Variants in SUGCT observed in about 807,000 individuals in gnomAD.
SUGCT encodes the protein succinyl-CoA:glutarate CoA-transferase.
SUGCT carries 41 observed loss-of-function variants against 55.0 expected under a neutral mutation model. That is an observed-to-expected ratio of 0.74 (90% confidence interval 0.58 to 0.97). The LOEUF is 0.97. SUGCT is among the 50% of genes least tolerant of loss of function. The pLI, the probability that SUGCT is intolerant of heterozygous loss-of-function variation, is 0.00. For synonymous variants in SUGCT, 187 were observed against 200.4 expected, an observed-to-expected ratio of 0.93 and a Z score of 0.56; for missense variants, 568 against 547.8, an observed-to-expected ratio of 1.04 and a Z score of -0.37.
At chr7:40,459,863 G>A (rs1166324680) in intron 11 of SUGCT, among the ~76,000 whole-genome samples, 1 of 152,116 alleles carries the variant, frequency 6.6e-6, no homozygotes, top group African/African-American at 2.4e-5. Flanking sequence ...TTTGTCTGAA[G>A]AAAATAATTA....
intron 9 of SUGCT, among the ~76,000 whole-genome samples, chr7:40,411,613 G>C (rs1473399337): frequency 6.6e-6 from 1 of 152,144 alleles, no homozygotes; most frequent in Non-Finnish European, 1.5e-5. Flanking sequence ...CAGAGGCCAG[G>C]AAAGGTAGCA....
chr7:41,002,957 C>G, the SUGCT span, among the ~76,000 whole-genome samples: 1 of 151,788 alleles, frequency 6.6e-6, no homozygotes, highest in African/African-American at 2.4e-5. Context: ...AGTGCCCTGC[C>G]CATAGGAGGC....
At chr7:40,144,542 T>A (rs1204330751) in intron 1 of SUGCT, among the ~76,000 whole-genome samples, 1 of 152,024 alleles carries the variant, frequency 6.6e-6, no homozygotes, top group African/African-American at 2.4e-5. Context: ...GTGGCTGGAG[T>A]TTTCCTTCTT....
intron 13 of SUGCT, among the ~76,000 whole-genome samples, chr7:40,768,154 G>A (rs1788898335): frequency 6.6e-6 from 1 of 152,124 alleles, no homozygotes; most frequent in African/African-American, 2.4e-5. Context: ...ATCCAGATAA[G>A]GTTTTCAGCT....
At chr7:40,638,445 G>T (rs1411408303) in intron 12 of SUGCT, among the ~76,000 whole-genome samples, 1 of 152,126 alleles carries the variant, frequency 6.6e-6, no homozygotes, top group African/African-American at 2.4e-5. Flanking sequence ...GCATATTAAA[G>T]AATTCTAGTT....
chr7:40,324,961 TA>T (rs1795956950), intron 9 of SUGCT, among the ~76,000 whole-genome samples: 2 of 152,244 alleles, frequency 1.3e-5, no homozygotes, highest in South Asian at 4.1e-4. Flanking sequence ...TTTACATGAT[TA>T]AATAAAATAA....
chr7:40,174,837 T>G (rs912315777), intron 1 of SUGCT, among the ~76,000 whole-genome samples: 13 of 152,226 alleles, frequency 8.5e-5, no homozygotes, highest in African/African-American at 3.1e-4. Context: ...AAAGTGTCAA[T>G]TGCTCTCCTA....
chr7:40,772,554 CT>C (rs1416820145), intron 13 of SUGCT, among the ~76,000 whole-genome samples: 15 of 138,074 alleles, frequency 1.1e-4, no homozygotes, highest in African/African-American at 1.9e-4. Flanking sequence ...ATCTATCTAT[CT>C]ATCTATCTGG....
chr7:40,184,351 C>T (rs1481762457), intron 3 of SUGCT, among the ~76,000 whole-genome samples: 2 of 152,014 alleles, frequency 1.3e-5, no homozygotes, highest in South Asian at 2.1e-4. Flanking sequence ...GTGATCATGG[C>T]TTACTGCGGC....
chr7:40,643,576 A>G (rs1019917931), intron 12 of SUGCT, among the ~76,000 whole-genome samples: 3 of 152,204 alleles, frequency 2.0e-5, no homozygotes, highest in African/African-American at 7.2e-5. Flanking sequence ...GAAAGAGTTC[A>G]ATGCTAAAAG....
At chr7:40,371,945 A>AACACACACACAC (rs137960410) in intron 9 of SUGCT, among the ~76,000 whole-genome samples, 9 of 147,794 alleles carry the variant, frequency 6.1e-5, no homozygotes, top group African/African-American at 2.2e-4. Context: ...ATACATCTCG[A>AACACACACACAC]ACACACACAC....
the SUGCT span, among the ~76,000 whole-genome samples, chr7:40,904,010 T>G: frequency 6.6e-6 from 1 of 152,148 alleles, no homozygotes; most frequent in Non-Finnish European, 1.5e-5. Flanking sequence ...GCAGCTTACA[T>G]CACGCATACC....
chr7:40,931,268 A>G, the SUGCT span, among the ~76,000 whole-genome samples: 4 of 152,210 alleles, frequency 2.6e-5, no homozygotes, highest in African/African-American at 7.2e-5. Context: ...CCCAGGGATA[A>G]AACTGACTTG....
chr7:40,479,587 A>G (rs1790909626), intron 11 of SUGCT, among the ~76,000 whole-genome samples: 1 of 152,124 alleles, frequency 6.6e-6, no homozygotes, highest in Non-Finnish European at 1.5e-5. Context: ...TTCTATTTCT[A>G]ATGTTTGAGA....
In SUGCT at chr7:40,296,323, G is replaced by A. The variant is rs370525416; in HGVS notation, c.721-20437G>A. The stretch of plus-strand genomic sequence containing the variant: ...CCCTTGCAGAAGAGGATGAACACGT[G>A]CTTCACCTACTTTATCGCTGGATGG... On this transcript the variant is annotated intron_variant, in intron 8 of 13. Transcript: ENST00000335693. Among the ~76,000 whole-genome samples, 86 of 152,258 alleles carry A rather than the reference G, an allele frequency of 5.6e-4. No homozygotes were observed. The Middle Eastern group carries it at 0.017, about 30-fold the overall frequency.
intron 7 of SUGCT, among the ~76,000 whole-genome samples, chr7:40,263,412 A>C (rs1791358016): frequency 6.6e-6 from 1 of 152,204 alleles, no homozygotes; most frequent in South Asian, 2.1e-4. Context: ...TTTAATCTGA[A>C]CCTGATCATG....
intron 6 of SUGCT, among the ~76,000 whole-genome samples, chr7:40,202,043 G>A (rs1786638131): frequency 6.6e-6 from 1 of 151,900 alleles, no homozygotes. Context: ...GTGCGATCTC[G>A]GCTCACTGCA....
intron 9 of SUGCT, among the ~76,000 whole-genome samples, chr7:40,390,398 C>T (rs1211757221): frequency 1.3e-5 from 2 of 152,146 alleles, no homozygotes; most frequent in Non-Finnish European, 2.9e-5. Flanking sequence ...ATCGTCTCAG[C>T]CCAAAATCTC....
chr7:41,026,233 A>T, the SUGCT span, among the ~76,000 whole-genome samples: 1 of 151,660 alleles, frequency 6.6e-6, no homozygotes, highest in African/African-American at 2.4e-5. Context: ...AGCCAGTCCT[A>T]CTCCTGGCAA....
Sources: allele counts gnomAD v4.1 joint callset (sites outside exome capture counted in the v4.1 genomes callset), GRCh38; gene constraint gnomAD v4.1.1; transcripts MANE v1.5; gene names NCBI Gene and HGNC (gene_info 2026-07-23, HGNC 2026-07-21).